The following THSD7B variants were observed in gnomAD, a reference collection of about 807,000 sequenced individuals.
THSD7B encodes the protein thrombospondin type 1 domain containing 7B, also known as thrombospondin type-1 domain-containing protein 7B.
In THSD7B, 138 loss-of-function variants were observed where a neutral mutation model predicts 213.6. The observed-to-expected ratio is 0.65, with a 90% CI of 0.56 to 0.74. THSD7B has a LOEUF of 0.74. Ranked by LOEUF, THSD7B falls within the 30% of genes least tolerant of loss-of-function variation. THSD7B has a pLI of 0.00. For missense variants in THSD7B, 1,931 were observed against 1,991.5 expected (o/e 0.97, Z 0.58); for synonymous variants, 742 against 687.0 (o/e 1.08, Z -1.25).
chr2:136,785,124 G>A (rs1024751901), intron 1 of THSD7B, among the ~76,000 whole-genome samples: 3 of 152,204 alleles, frequency 2.0e-5, no homozygotes, highest in African/African-American at 7.2e-5. Flanking sequence ...CCTCTGAGGT[G>A]TTAAACCATT....
chr2:137,668,726 C>T (rs1306065347), intron 27 of THSD7B, among the ~76,000 whole-genome samples: 2 of 151,948 alleles, frequency 1.3e-5, no homozygotes, highest in Non-Finnish European at 2.9e-5. Flanking sequence ...TCAAATAACG[C>T]ATATTTTGTA....
At chr2:137,307,757 A>G (rs1015878469) in intron 12 of THSD7B, among the ~76,000 whole-genome samples, 2 of 152,136 alleles carry the variant, frequency 1.3e-5, no homozygotes, top group Non-Finnish European at 2.9e-5. Flanking sequence ...TTTATGTTGC[A>G]CAAGCATAAA....
intron 15 of THSD7B, among the ~76,000 whole-genome samples, chr2:137,460,267 G>A (rs1183333909): frequency 6.6e-6 from 1 of 152,078 alleles, no homozygotes; most frequent in African/African-American, 2.4e-5. Context: ...GAGTATAATT[G>A]TGACAACTAT....
intron 12 of THSD7B, among the ~76,000 whole-genome samples, chr2:137,387,522 C>T (rs1010280243): frequency 5.9e-5 from 9 of 152,070 alleles, no homozygotes; most frequent in African/African-American, 2.2e-4. Flanking sequence ...TAAATTGTCC[C>T]TCCCCTTAAA....
At chr2:137,229,770 CTCA>C (rs2105053122) in intron 7 of THSD7B, among the ~76,000 whole-genome samples, 1 of 152,254 alleles carries the variant, frequency 6.6e-6, no homozygotes, top group East Asian at 1.9e-4. Flanking sequence ...GCTCTGAGCC[CTCA>C]TCTGTGAGAT....
chr2:137,597,798 G>T (rs1170747536), intron 17 of THSD7B, among the ~76,000 whole-genome samples: 1 of 152,110 alleles, frequency 6.6e-6, no homozygotes, highest in Non-Finnish European at 1.5e-5. Flanking sequence ...CACAATTTTA[G>T]TGGTTACCAT....
chr2:137,610,522 G>A (rs1374409781), intron 17 of THSD7B, among the ~76,000 whole-genome samples: 1 of 152,058 alleles, frequency 6.6e-6, no homozygotes, highest in Admixed American at 6.6e-5. Flanking sequence ...GTGAGCCCAT[G>A]GTCAACAACA....
chr2:137,676,593 C>CTT lies in THSD7B; in HGVS notation c.4810_4811dup (p.Leu1604PhefsTer2), dbSNP rs1683706996. On this transcript the variant is annotated frameshift_variant, in exon 28 of 28. Coordinates refer to ENST00000409968, the MANE Select transcript of THSD7B (RefSeq NM_001316349.2). LOFTEE classifies it high-confidence loss of function. Reference sequence around the variant, plus strand: ...CTCTGACCTTAGCCTACGATGGAGACTTAGACATGTAATCTGAAAAAGAAA... The same window carrying CTT: ...CTCTGACCTTAGCCTACGATGGAGACTTTTAGACATGTAATCTGAAAAAGAAA... 1.3e-6 allele frequency: 2 copies of CTT among 1,583,192 alleles called. No homozygotes were observed. Among genetic ancestry groups the CTT allele is most frequent in the Non-Finnish European group, 1.7e-6 (2 of 1,166,778 alleles).
At chr2:137,039,685 A>G (rs1686844781) in intron 2 of THSD7B, among the ~76,000 whole-genome samples, 1 of 152,208 alleles carries the variant, frequency 6.6e-6, no homozygotes, top group Non-Finnish European at 1.5e-5. Flanking sequence ...ATTGAAGATT[A>G]AAGCAAACAG....
At chr2:136,995,740 G>T (rs971708447) in intron 2 of THSD7B, among the ~76,000 whole-genome samples, 3 of 152,136 alleles carry the variant, frequency 2.0e-5, no homozygotes, top group Admixed American at 2.0e-4. Flanking sequence ...CACCTAACAA[G>T]GAGGTGGTTG....
Position 137,115,182 on chromosome 2 carries a change from C to T in THSD7B, c.1258C>T (p.Gln420Ter). ...ECQVSLLLEQ[Q>*]DPHWHVTGPV... ...CCAAGTCTCTCTCCTCCTCGAGCAG[C>T]AGGATCCCCACTGGCATGTGACGGG... Residue 420 changes from glutamine (Q) to a stop codon, truncating the protein, a stop_gained, in exon 5 of 28, where the codon CAG (glutamine) becomes TAG (stop). Coordinates refer to ENST00000409968, the MANE Select transcript of THSD7B (RefSeq NM_001316349.2). LOFTEE classifies it high-confidence loss of function. 6.2e-7 allele frequency: 1 copy of T among 1,613,964 alleles called. No homozygotes were observed. Among genetic ancestry groups the T allele is most frequent in the Non-Finnish European group, 8.5e-7 (1 of 1,179,872 alleles).
chr2:137,022,913 G>T (rs2104844881), intron 2 of THSD7B, among the ~76,000 whole-genome samples: 1 of 152,248 alleles, frequency 6.6e-6, no homozygotes, highest in East Asian at 1.9e-4. Context: ...ATATTTAAAT[G>T]AATAAGCATG....
intron 27 of THSD7B, among the ~76,000 whole-genome samples, chr2:137,671,042 GTCTT>G (rs1275639197): frequency 2.0e-5 from 3 of 151,088 alleles, no homozygotes; most frequent in Admixed American, 1.3e-4. Flanking sequence ...CACTGCTTTA[GTCTT>G]TCTTTCCACA....
intron 9 of THSD7B, among the ~76,000 whole-genome samples, chr2:137,240,435 C>T (rs1681875009): frequency 6.6e-6 from 1 of 152,070 alleles, no homozygotes; most frequent in East Asian, 1.9e-4. Context: ...TCCTTTTTGC[C>T]CTAACAGTTA....
In THSD7B at chr2:137,315,192, C is replaced by T. The variant is rs187041726; in HGVS notation, c.2500+39166C>T. 7.4e-3 allele frequency among the ~76,000 whole-genome samples: 1,124 copies of T among 152,300 alleles called. 4 individuals are homozygous for T. Among genetic ancestry groups the T allele is most frequent in the Non-Finnish European group, 0.012 (850 of 68,026 alleles). ...GGCGTAGGACCCTCCAAGCCAGGTG[C>T]GGGATATAATCTCCTGGTGCGCTGT... On this transcript the variant is annotated intron_variant, in intron 12 of 27. Transcript: ENST00000409968.
intron 15 of THSD7B, among the ~76,000 whole-genome samples, chr2:137,519,694 G>A (rs1257463943): frequency 6.6e-6 from 1 of 152,138 alleles, no homozygotes; most frequent in Non-Finnish European, 1.5e-5. Context: ...CTGGGGCTGA[G>A]GCTTAATAAG....
intron 6 of THSD7B, among the ~76,000 whole-genome samples, chr2:137,164,487 C>A (rs1680081894): frequency 6.6e-6 from 1 of 151,686 alleles, no homozygotes; most frequent in African/African-American, 2.4e-5. Context: ...CCTCAAGGAT[C>A]TGGAGCTAGA....
intron 6 of THSD7B, among the ~76,000 whole-genome samples, chr2:137,163,698 T>C (rs972336941): frequency 6.6e-6 from 1 of 152,202 alleles, no homozygotes; most frequent in African/African-American, 2.4e-5. Flanking sequence ...TTCTATTGAT[T>C]TAAGCTACCC....
At chr2:137,231,023 T>C (rs757190885) in intron 7 of THSD7B, 21 bp from the exon 8 acceptor site, 13 of 1,609,208 alleles carry the variant, frequency 8.1e-6, no homozygotes, top group Non-Finnish European at 1.1e-5. Flanking sequence ...TCACCAACTG[T>C]CTTGATCTTG....
Sources: gnomAD v4.1 joint callset for allele counts (sites outside exome capture counted in the v4.1 genomes callset) on GRCh38, gnomAD v4.1.1 for gene constraint, MANE v1.5 for transcripts, NCBI Gene and HGNC (gene_info 2026-07-23, HGNC 2026-07-21) for gene names.